The following GDI2 variants were observed in gnomAD, a reference collection of about 807,000 sequenced individuals.
GDI2 encodes GDP dissociation inhibitor 2.
A neutral mutation model predicts 54.2 loss-of-function variants in GDI2; 22 were observed. That is an observed-to-expected ratio of 0.41 (90% CI 0.29 to 0.58). The LOEUF (loss-of-function observed/expected upper bound fraction) is 0.58, where lower values mean the gene tolerates loss of function less well. Ranked by LOEUF, GDI2 falls within the 20% of genes least tolerant of loss-of-function variation. The pLI, the probability that GDI2 is intolerant of heterozygous loss-of-function variation, is 0.35. For missense variants in GDI2, 422 were observed against 546.0 expected (o/e 0.77, Z 2.26); for synonymous variants, 177 against 182.1 (o/e 0.97, Z 0.23).
chr10:5,807,961 G>A (rs1457824387), intron 1 of GDI2, among the ~76,000 whole-genome samples: 2 of 152,082 alleles, frequency 1.3e-5, no homozygotes, highest in African/African-American at 2.4e-5. Flanking sequence ...CCCCAACCCC[G>A]ATTACAGAGC....
intron 5 of GDI2, 85 bp from the exon 6 acceptor site, chr10:5,785,358 A>G: frequency 1.0e-6 from 1 of 987,522 alleles, no homozygotes; most frequent in Non-Finnish European, 1.5e-6. Context: ...AAGCGATTTC[A>G]ATCCGCTATC....
intron 1 of GDI2, among the ~76,000 whole-genome samples, chr10:5,810,230 G>A (rs1335951564): frequency 2.0e-5 from 3 of 152,102 alleles, no homozygotes; most frequent in Non-Finnish European, 4.4e-5. Context: ...GAATCATCTG[G>A]TATACATCAC....
At chr10:5,782,063 AG>A (rs1310542580) in intron 6 of GDI2, among the ~76,000 whole-genome samples, 2 of 152,226 alleles carry the variant, frequency 1.3e-5, no homozygotes, top group East Asian at 1.9e-4. Flanking sequence ...ATAAACTGGG[AG>A]AAAATATTCT....
In GDI2 at chr10:5,785,882, C is replaced by T; in HGVS notation, c.557G>A (p.Gly186Asp). ...AGTTCTGTAAAGTGCAAGAGCATGA[C>T]CAGTAAAATCTATAACGTCTTGACC... ...DLGQDVIDFT[G>D]HALALYRTDD... is the part of the protein sequence containing the mutation. Residue 186 changes from glycine to aspartate, a missense_variant, in exon 5 of 11, where the codon GGT (glycine) becomes GAT (aspartate). By Grantham distance (94) the Gly-to-Asp change is moderately conservative. Coordinates refer to ENST00000380191, the MANE Select transcript of GDI2 (RefSeq NM_001494.4). 6.2e-7 allele frequency: 1 copy of T among 1,609,268 alleles called. No individual in the cohort carries two copies. The highest frequency in any genetic ancestry group is 8.5e-7 in the Non-Finnish European group (1 of 1,175,776).
chr10:5,791,363 A>T (rs948348768), intron 4 of GDI2, among the ~76,000 whole-genome samples: 1 of 152,100 alleles, frequency 6.6e-6, no homozygotes, highest in African/African-American at 2.4e-5. Context: ...TAACCCCAGC[A>T]CTTTGGGAGG....
intron 1 of GDI2, chr10:5,811,855 A>T (rs751500412): frequency 2.6e-6 from 2 of 763,688 alleles, no homozygotes; most frequent in Admixed American, 6.4e-5. Flanking sequence ...GAAAAACACG[A>T]TTCTAATTCT....
chr10:5,809,137 CGGGA>C (rs930256426), intron 1 of GDI2, among the ~76,000 whole-genome samples: 1 of 151,350 alleles, frequency 6.6e-6, no homozygotes, highest in African/African-American at 2.4e-5. Context: ...CCCAGCTACC[CGGGA>C]GGCTGAGACA....
intron 2 of GDI2, among the ~76,000 whole-genome samples, chr10:5,797,329 G>C (rs1295598492): frequency 6.6e-6 from 1 of 152,174 alleles, no homozygotes; most frequent in Middle Eastern, 3.4e-3. Flanking sequence ...GGTGGATCAG[G>C]AGGTCAGGAG....
In GDI2 at chr10:5,794,172, G is replaced by GAAAAAA. The variant is rs1256206663; in HGVS notation, c.388+707_388+712dup. Among the ~76,000 whole-genome samples, 34 of 27,966 alleles carry GAAAAAA rather than the reference G, an allele frequency of 1.2e-3. 3 individuals are homozygous for GAAAAAA. The highest frequency in any genetic ancestry group is 1.4e-3 in the Non-Finnish European group (22 of 15,332). 18.3% of individuals were successfully genotyped at this position (27,966 alleles called of 152,430 possible). ...ACAGAGCGAGACTCTGTCTTTAAAA[G>GAAAAAA]AAAAAAAAAAAAAAAAATATATATA... On this transcript the variant is annotated intron_variant, in intron 4 of 10. Coordinates refer to ENST00000380191, the MANE Select transcript of GDI2 (RefSeq NM_001494.4).
At chr10:5,796,679 A>T in intron 3 of GDI2, 84 bp downstream of exon 3, 1 of 739,780 alleles carries the variant, frequency 1.4e-6, no homozygotes. Context: ...CCTCATACCC[A>T]GAATAGTACT....
At position 5,776,513 on chromosome 10, in the gene GDI2, A is replaced by C; in HGVS notation, c.720-2572T>G. 1 of 1,406,532 alleles carries C rather than the reference A, an allele frequency of 7.1e-7. No homozygotes were observed. The highest frequency in any genetic ancestry group is 1.0e-6 in the Non-Finnish European group (1 of 994,952). 87.1% of individuals were successfully genotyped at this position (1,406,532 alleles called of 1,614,324 possible). ...TTAGAAGCAAAGGCCCGAAAGATAAAACAATTATAGAGAAGCAGATTTGAA... is the reference window on the plus strand; with the variant it reads ...TTAGAAGCAAAGGCCCGAAAGATAACACAATTATAGAGAAGCAGATTTGAA... On this transcript the variant is annotated intron_variant, in intron 6 of 10. Coordinates refer to ENST00000380191, the MANE Select transcript of GDI2 (RefSeq NM_001494.4). The surrounding 1 kb of genome is among the most constrained non-coding windows in gnomAD (Gnocchi z 5.3).
intron 7 of GDI2, among the ~76,000 whole-genome samples, chr10:5,771,694 T>C (rs866128848): frequency 2.6e-5 from 4 of 152,042 alleles, no homozygotes; most frequent in African/African-American, 7.2e-5. Context: ...AAATGTATTA[T>C]AGCCTCCTTC....
At chr10:5,799,481 G>A (rs149720759) in intron 2 of GDI2, among the ~76,000 whole-genome samples, 3,466 of 151,382 alleles carry the variant, frequency 0.023, 53 homozygotes, top group South Asian at 0.037. Flanking sequence ...GTGGAACCCC[G>A]TCTCTACTAA....
rs2890364 is a variant in GDI2, at chr10:5,791,785, G to C, written c.388+3100C>G. Among the ~76,000 whole-genome samples, 57 of 151,316 alleles carry C rather than the reference G, an allele frequency of 3.8e-4. No individual in the cohort carries two copies. In the East Asian group the frequency reaches 0.01, roughly 27 times the overall value. On this transcript the variant is annotated intron_variant, in intron 4 of 10. Transcript: ENST00000380191. ...AAAAAAATAAGCCAGGTGTGGTGGC[G>C]TGCGCCTGTAATCCCAGCTATTCAG...
At position 5,813,432 on chromosome 10, in the gene GDI2, A is replaced by G. The variant is rs1187721353; in HGVS notation, c.-174T>C. 1.3e-5 allele frequency: 4 copies of G among 302,240 alleles called. No individual in the cohort carries two copies. Among genetic ancestry groups the G allele is most frequent in the Non-Finnish European group, 2.6e-5 (4 of 156,124 alleles). 18.7% of individuals were successfully genotyped at this position (302,240 alleles called of 1,614,324 possible). Reference sequence around the variant, plus strand: ...CGCCACCTCAGACGGGAAGAGAAGAACTGGGCGGGGAGAGGAGGGGAGGGA... The same window carrying G: ...CGCCACCTCAGACGGGAAGAGAAGAGCTGGGCGGGGAGAGGAGGGGAGGGA... On this transcript the variant is annotated 5_prime_UTR_variant, in exon 1 of 11. Transcript: ENST00000380191.
chr10:5,766,961 A>G lies in GDI2; in HGVS notation c.992-323T>C, dbSNP rs1049001046. Among the ~76,000 whole-genome samples, 3 of 152,260 alleles carry G rather than the reference A, an allele frequency of 2.0e-5. No homozygotes were observed. The highest frequency in any genetic ancestry group is 4.4e-5 in the Non-Finnish European group (3 of 68,046). On this transcript the variant is annotated intron_variant, in intron 8 of 10. Coordinates refer to ENST00000380191, the MANE Select transcript of GDI2 (RefSeq NM_001494.4). This position sits in a 1 kb window ranked among gnomAD's most constrained non-coding sequence, Gnocchi z 5.8. ...ATTAACTATTCTGGGAGATTCTTCC[A>G]TTCTGGACCTTGCATTTAGAAAGGT...
At chr10:5,794,627 C>T (rs1375974657) in intron 4 of GDI2, among the ~76,000 whole-genome samples, 4 of 151,968 alleles carry the variant, frequency 2.6e-5, no homozygotes, top group Non-Finnish European at 4.4e-5. Context: ...CACTATTAAC[C>T]CTAGATAAGC....
At chr10:5,810,903 G>A (rs1588992932) in intron 1 of GDI2, among the ~76,000 whole-genome samples, 1 of 152,114 alleles carries the variant, frequency 6.6e-6, no homozygotes, top group African/African-American at 2.4e-5. Flanking sequence ...TACAAACAAT[G>A]GCAGCACTAA....
At chr10:5,783,521 CTTCA>C (rs997601572) in intron 6 of GDI2, among the ~76,000 whole-genome samples, 32 of 151,566 alleles carry the variant, frequency 2.1e-4, no homozygotes, top group African/African-American at 7.5e-4. Context: ...TGTTTTTTTT[CTTCA>C]TTGTGTTATT....
Sources: allele counts gnomAD v4.1 joint callset (sites outside exome capture counted in the v4.1 genomes callset), GRCh38; gene constraint gnomAD v4.1.1; non-coding constraint Gnocchi (gnomAD v3.1); transcripts MANE v1.5; gene names NCBI Gene and HGNC (gene_info 2026-07-23, HGNC 2026-07-21).